The following CD5L variants were observed in gnomAD, a reference collection of about 807,000 sequenced individuals.
The protein encoded by CD5L is CD5 antigen-like.
A neutral mutation model predicts 40.8 loss-of-function variants in CD5L; 39 were observed. That is an observed-to-expected ratio of 0.96 (90% CI 0.74 to 1.25). The LOEUF is 1.25. Among genes scored for constraint, CD5L ranks in the 50% most tolerant of loss-of-function variants. The probability of loss-of-function intolerance (pLI) is 0.00; values close to 1 mark genes in which losing one functional copy is unlikely to be tolerated. For missense variants in CD5L, 433 were observed against 435.9 expected, an observed-to-expected ratio of 0.99 and a Z score of 0.06; for synonymous variants, 192 against 169.6, an observed-to-expected ratio of 1.13 and a Z score of -1.03.
Position 157,831,346 on chromosome 1 carries a change from T to C in CD5L, c.*618A>G. On this transcript the variant is annotated 3_prime_UTR_variant, in exon 6 of 6. Coordinates refer to ENST00000368174, the MANE Select transcript of CD5L (RefSeq NM_005894.3). ...CACGTCATGAAAAGGTCTAGGATTA[T>C]AGGACGCTGCTCTGCTCCTGAAAGA... The C allele has an allele frequency of 2.0e-6, 2 of 985,334 alleles. No homozygotes were observed. Among genetic ancestry groups the C allele is most frequent in the Non-Finnish European group, 2.4e-6 (2 of 829,932 alleles). The allele number at this position is 985,334 out of a possible 1,614,324, so 61.0% of individuals were successfully genotyped here.
chr1:157,832,971 T>C (rs1384705185), intron 5 of CD5L, among the ~76,000 whole-genome samples: 1 of 152,176 alleles, frequency 6.6e-6, no homozygotes. Context: ...TCAATACGTA[T>C]ATAGTGTCAG....
chr1:157,834,803 G>A (rs967702644), intron 3 of CD5L, 55 bp from the exon 4 acceptor site: 1 of 1,451,108 alleles, frequency 6.9e-7, no homozygotes, highest in Non-Finnish European at 9.6e-7. Flanking sequence ...GGTCTTCTCA[G>A]TAAAGGCGGC....
At chr1:157,838,502 T>G (rs1003965407) in intron 2 of CD5L, among the ~76,000 whole-genome samples, 1 of 151,834 alleles carries the variant, frequency 6.6e-6, no homozygotes, top group Non-Finnish European at 1.5e-5. Context: ...TTTTAATCAA[T>G]TTTCATTTTC....
At chr1:157,835,719 G>A (rs947440926) in intron 3 of CD5L, 116 bp downstream of exon 3, 2 of 786,650 alleles carry the variant, frequency 2.5e-6, no homozygotes, top group Non-Finnish European at 4.2e-6. Context: ...AGATGTGGGG[G>A]GTGAGGGGCC....
At chr1:157,841,582 TA>T in intron 1 of CD5L, 91 bp downstream of exon 1, 3 of 1,121,258 alleles carry the variant, frequency 2.7e-6, no homozygotes, top group Non-Finnish European at 3.9e-6. Context: ...GAAAAACATC[TA>T]AATCTGTTCC....
rs562925323 is a variant in CD5L at position 157,839,338 on chromosome 1, C to A, written c.55+46G>T. The A allele has an allele frequency of 6.9e-6, 11 of 1,601,372 alleles. No homozygotes were observed. In the South Asian group the frequency reaches 1.2e-4, roughly 18 times the overall value. On this transcript the variant is annotated intron_variant, in intron 2 of 5. Coordinates refer to ENST00000368174, the MANE Select transcript of CD5L (RefSeq NM_005894.3). Reference sequence around the variant, plus strand: ...CTCAAGAAGCTTCAAAATTTTCCCTCTCCTAAGCTTGAGGCCTCCCTCTCA... The same window carrying A: ...CTCAAGAAGCTTCAAAATTTTCCCTATCCTAAGCTTGAGGCCTCCCTCTCA...
intron 4 of CD5L, 48 bp from the exon 5 acceptor site, chr1:157,833,560 G>T (rs1489325697): frequency 5.0e-6 from 7 of 1,410,402 alleles, no homozygotes; most frequent in Non-Finnish European, 6.8e-6. Context: ...GAAGGGAAAG[G>T]AGAAAAAATA....
intron 2 of CD5L, among the ~76,000 whole-genome samples, chr1:157,838,698 G>A (rs189302174): frequency 2.6e-5 from 4 of 152,208 alleles, no homozygotes; most frequent in Admixed American, 2.6e-4. Context: ...GAGAACCCAG[G>A]AAGGTTGCAT....
chr1:157,831,445 A>G lies in CD5L; in HGVS notation c.*519T>C. On this transcript the variant is annotated 3_prime_UTR_variant, in exon 6 of 6. Coordinates refer to ENST00000368174, the MANE Select transcript of CD5L (RefSeq NM_005894.3). The stretch of plus-strand genomic sequence containing the variant: ...GTGGTCACCTGAAGCTTGAGGAAAA[A>G]AAAAAAAAGTAGTCCAATCAAAAGA... 1 of 985,352 alleles carries G rather than the reference A, an allele frequency of 1.0e-6. No individual in the cohort carries two copies. Among genetic ancestry groups the G allele is most frequent in the Non-Finnish European group, 1.2e-6 (1 of 829,844 alleles). The allele number at this position is 985,352 out of a possible 1,614,324, so 61.0% of individuals were successfully genotyped here.
At chr1:157,830,691 T>C (rs773075703), downstream of CD5L, among the ~76,000 whole-genome samples, 1 of 152,198 alleles carries the variant, frequency 6.6e-6, no homozygotes, top group South Asian at 2.1e-4. Context: ...ATCAGAAGTG[T>C]GTTAGCCTGA....
Position 157,836,021 on chromosome 1 carries a change from C to T in CD5L, c.190G>A (p.Glu64Lys), listed in dbSNP as rs748041851. The change falls in exon 3 of 6, where the codon GAG (glutamate) becomes AAG (lysine). Residue 64 changes from glutamate to lysine, a missense_variant. Transcript: ENST00000368174. ...DIKDVAVLCR[E>K]LGCGAASGTP... Reference sequence around the variant, plus strand: ...CCGCTGGCAGCTCCACAGCCCAGCTCCCGGCACAACACAGCCACGTCCTTA... The same window carrying T: ...CCGCTGGCAGCTCCACAGCCCAGCTTCCGGCACAACACAGCCACGTCCTTA... 1 of 1,614,196 alleles carries T rather than the reference C, an allele frequency of 6.2e-7. No individual in the cohort carries two copies. Among genetic ancestry groups the T allele is most frequent in the Non-Finnish European group, 8.5e-7 (1 of 1,180,038 alleles).
chr1:157,829,018 A>G (rs1571445735), downstream of CD5L, among the ~76,000 whole-genome samples: 1 of 152,248 alleles, frequency 6.6e-6, no homozygotes, highest in East Asian at 1.9e-4. Context: ...ATGTCTAAAC[A>G]GAGCTTCTGA....
Position 157,836,123 on chromosome 1 carries a change from G to T in CD5L, c.88C>A (p.Leu30Ile). Residue 30 changes from leucine (L) to isoleucine (I), a missense_variant, in exon 3 of 6, where the codon CTC becomes ATC. Transcript: ENST00000368174. Reference protein sequence around the residue: ...SPSGVRLVGGLHRCEGRVEVE... With the variant: ...SPSGVRLVGGIHRCEGRVEVE... ...TCCACCCGCCCTTCACAGCGGTGGA[G>T]GCCCCCCACCAGCCGCACTCCAGAT... The T allele has an allele frequency of 6.2e-7, 1 of 1,613,504 alleles. No individual in the cohort carries two copies. Among genetic ancestry groups the T allele is most frequent in the Non-Finnish European group, 8.5e-7 (1 of 1,179,748 alleles).
At chr1:157,839,787 G>C (rs1656315702) in intron 1 of CD5L, among the ~76,000 whole-genome samples, 1 of 152,204 alleles carries the variant, frequency 6.6e-6, no homozygotes, top group Non-Finnish European at 1.5e-5. Flanking sequence ...AAGATGCACT[G>C]GCCGGTGGAG....
At chr1:157,835,475 A>G (rs1272977435) in intron 3 of CD5L, among the ~76,000 whole-genome samples, 1 of 152,238 alleles carries the variant, frequency 6.6e-6, no homozygotes, top group African/African-American at 2.4e-5. Context: ...TAAAAAGCAT[A>G]CATTATACTT....
Position 157,836,125 on chromosome 1 carries a change from C to G in CD5L, c.86G>C (p.Gly29Ala). 1 of 1,612,854 alleles carries G rather than the reference C, an allele frequency of 6.2e-7. No homozygotes were observed. The highest frequency in any genetic ancestry group is 1.1e-5 in the South Asian group (1 of 91,002). ...ASPSGVRLVG[G>A]LHRCEGRVEV... ...CACCCGCCCTTCACAGCGGTGGAGGCCCCCCACCAGCCGCACTCCAGATGG... is the reference window on the plus strand; with the variant it reads ...CACCCGCCCTTCACAGCGGTGGAGGGCCCCCACCAGCCGCACTCCAGATGG... The change falls in exon 3 of 6, where the codon GGC becomes GCC. Residue 29 changes from glycine (G) to alanine (A), a missense_variant. Gly to Ala is a moderately conservative substitution (Grantham distance 60, BLOSUM62 0). Coordinates refer to ENST00000368174, the MANE Select transcript of CD5L (RefSeq NM_005894.3).
At chr1:157,827,535 C>T (rs1363067605), downstream of CD5L, among the ~76,000 whole-genome samples, 1 of 152,166 alleles carries the variant, frequency 6.6e-6, no homozygotes, top group Non-Finnish European at 1.5e-5. Context: ...CAGTGTTCAT[C>T]CCATGCAGTC....
At chr1:157,837,812 G>C (rs1656261734) in intron 2 of CD5L, among the ~76,000 whole-genome samples, 1 of 130,406 alleles carries the variant, frequency 7.7e-6, no homozygotes, top group Non-Finnish European at 1.6e-5. Context: ...GTCTCACTCT[G>C]TCGCCCAGGC....
At position 157,841,805 on chromosome 1, in the gene CD5L, A is replaced by G. The variant is rs1436702610; in HGVS notation, c.-104T>C. 16 of 945,794 alleles carry G rather than the reference A, an allele frequency of 1.7e-5. No individual in the cohort carries two copies. Among genetic ancestry groups the G allele is most frequent in the Non-Finnish European group, 2.7e-5 (16 of 595,714 alleles). 58.6% of individuals were successfully genotyped at this position (945,794 alleles called of 1,614,324 possible). On this transcript the variant is annotated 5_prime_UTR_variant, in exon 1 of 6. Coordinates refer to ENST00000368174, the MANE Select transcript of CD5L (RefSeq NM_005894.3). ...GCAAGTATGTTAAGAGGAGGGACAA[A>G]GACAGGTCCTGAGTGCAGGCAAAGC...
Sources: allele counts gnomAD v4.1 joint callset (sites outside exome capture counted in the v4.1 genomes callset), GRCh38; gene constraint gnomAD v4.1.1; transcripts MANE v1.5; gene names NCBI Gene and HGNC (gene_info 2026-07-23, HGNC 2026-07-21).